The following CHTF18 variants were observed in gnomAD, a reference collection of about 807,000 sequenced individuals.
The protein encoded by CHTF18 is chromosome transmission fidelity protein 18 homolog.
CHTF18 carries 151 observed loss-of-function variants against 113.4 expected under a neutral mutation model. That is an observed-to-expected ratio of 1.33 (90% CI 1.17 to 1.52). CHTF18 has a LOEUF of 1.52. Ranked by LOEUF, CHTF18 falls within the 40% of genes most tolerant of loss-of-function variation. The probability of loss-of-function intolerance (pLI) is 0.00; values close to 1 mark genes in which losing one functional copy is unlikely to be tolerated. For synonymous variants in CHTF18, 916 were observed against 598.8 expected, an observed-to-expected ratio of 1.53 and a Z score of -7.74; for missense variants, 1,982 against 1,381.6, an observed-to-expected ratio of 1.43 and a Z score of -6.89.
Position 793,647 on chromosome 16 carries a change from C to T in CHTF18, c.1802+373C>T, listed in dbSNP as rs774243515. 3 of 530,974 alleles carry T rather than the reference C, an allele frequency of 5.6e-6. No homozygotes were observed. In the Admixed American group the frequency reaches 8.8e-5, roughly 15 times the overall value. 32.9% of individuals were successfully genotyped at this position (530,974 alleles called of 1,614,324 possible). A position where few individuals can be genotyped will look rare whatever the true frequency, so the allele number is the denominator to read the frequency against. ...CCTGCCTGCCCACACTGCTTGGCCT[C>T]CCGTGGGCAGGAGCAGCCAGCATGT... On this transcript the variant is annotated intron_variant, in intron 14 of 21. Coordinates refer to ENST00000262315, the MANE Select transcript of CHTF18 (RefSeq NM_022092.3).
Position 792,993 on chromosome 16 carries a change from G to A in CHTF18, c.1600G>A (p.Asp534Asn), listed in dbSNP as rs142863995. The change falls in exon 13 of 22, where the codon GAC becomes AAC. Residue 534 changes from aspartate (D) to asparagine (N), a missense_variant. By Grantham distance (23) the Asp-to-Asn change is conservative. Coordinates refer to ENST00000262315, the MANE Select transcript of CHTF18 (RefSeq NM_022092.3). ...CTCCCTGCGGCAGGGCATGAGGGCC[G>A]ACCCAGGGGTGCTGGCCGCCCTCTG... is the stretch of plus-strand genomic sequence containing the variant. ...EVSLRQGMRA[D>N]PGVLAALCEK... The A allele has an allele frequency of 3.9e-5, 61 of 1,562,852 alleles. No homozygotes were observed. The African/African-American group carries it at 7.3e-4, about 19-fold the overall frequency.
At chr16:793,813 C>A (rs532876744) in intron 14 of CHTF18, 713 of 651,410 alleles carry the variant, frequency 1.1e-3, no homozygotes, top group Non-Finnish European at 1.5e-3. Context: ...GTCCCCTAAC[C>A]CCAGAGGGTC....
At chr16:791,139 TC>T in intron 7 of CHTF18, 21 bp from the exon 8 acceptor site, 1 of 1,598,456 alleles carries the variant, frequency 6.3e-7, no homozygotes, top group Non-Finnish European at 8.5e-7. Flanking sequence ...AGGCTGTGCT[TC>T]CCTTCCCGTC....
chr16:795,438 TGCCCGCCC>T (rs2042312221), intron 16 of CHTF18, 82 bp downstream of exon 16: 1 of 573,666 alleles, frequency 1.7e-6, no homozygotes, highest in African/African-American at 4.0e-5. Flanking sequence ...CCCGGCCCCG[TGCCCGCCC>T]CCCCAAACAC....
In CHTF18 at chr16:795,364, C is replaced by T. The variant is rs1346860782; in HGVS notation, c.2175+8C>T. 45 of 1,543,852 alleles carry T rather than the reference C, an allele frequency of 2.9e-5. No homozygotes were observed. The highest frequency in any genetic ancestry group is 7.2e-5 in the South Asian group (6 of 83,830). On this transcript the variant is annotated splice_region_variant and intron_variant, in intron 16 of 21. Transcript: ENST00000262315. ...CCCAGCAGCCAGCAGGAGGTGTGCTCGTCCCTGCACCACGCCTGCCCCCGG... is the reference window on the plus strand; with the variant it reads ...CCCAGCAGCCAGCAGGAGGTGTGCTTGTCCCTGCACCACGCCTGCCCCCGG...
Position 794,099 on chromosome 16 carries a change from G to A in CHTF18, c.1848G>A (p.Leu616=). The change falls in exon 15 of 22, where the codon CTG becomes CTA. Residue 616 remains leucine, a synonymous_variant. Transcript: ENST00000262315. ...QDPALPADTL[L]LGDGDAGSLT... is the part of the protein sequence containing the mutation. The stretch of plus-strand genomic sequence containing the variant: ...CCGCCCTGCCTGCTGACACACTCCT[G>A]CTGGGTGACGGGGACGCGGGCTCCC... 6.2e-7 allele frequency: 1 copy of A among 1,612,268 alleles called. No homozygotes were observed. Among genetic ancestry groups the A allele is most frequent in the Non-Finnish European group, 8.5e-7 (1 of 1,179,730 alleles).
intron 16 of CHTF18, 50 bp from the exon 17 acceptor site, chr16:795,635 C>A (rs745446784): frequency 2.1e-5 from 28 of 1,316,478 alleles, no homozygotes; most frequent in Middle Eastern, 5.2e-4. Flanking sequence ...CCATTCCCCC[C>A]TCGCCCGGGA....
At chr16:794,750 C>T (rs965663629) in intron 15 of CHTF18, 272 of 268,432 alleles carry the variant, frequency 1.0e-3, no homozygotes, top group Non-Finnish European at 1.1e-3. Flanking sequence ...GGGGTGGGGA[C>T]GCCACGGCCT....
chr16:791,808 G>A (rs1041275002), intron 8 of CHTF18, 43 bp from the exon 9 acceptor site: 7 of 1,560,646 alleles, frequency 4.5e-6, no homozygotes, highest in South Asian at 1.2e-5. Context: ...GGAGCGTCCT[G>A]TAGGTGCGGT....
intron 18 of CHTF18, chr16:796,496 G>C (rs1176460149): frequency 3.3e-6 from 2 of 603,828 alleles, no homozygotes; most frequent in Non-Finnish European, 5.7e-6. Context: ...CCATCGGCAG[G>C]TTTCATCATC....
chr16:798,019 T>C lies in CHTF18; in HGVS notation c.*44T>C, dbSNP rs751261536. The C allele has an allele frequency of 3.2e-6, 5 of 1,581,418 alleles. No individual in the cohort carries two copies. The highest frequency in any genetic ancestry group is 4.3e-6 in the Non-Finnish European group (5 of 1,162,258). On this transcript the variant is annotated 3_prime_UTR_variant, in exon 22 of 22. Coordinates refer to ENST00000262315, the MANE Select transcript of CHTF18 (RefSeq NM_022092.3). Reference sequence around the variant, plus strand: ...TGCCCTCGCATTGCTTCCCGCAGAGTGCAGAGACAGGAAGCTGGAGATGTC... The same window carrying C: ...TGCCCTCGCATTGCTTCCCGCAGAGCGCAGAGACAGGAAGCTGGAGATGTC...
intron 20 of CHTF18, 62 bp downstream of exon 20, chr16:797,154 G>A (rs1240408063): frequency 6.9e-7 from 1 of 1,454,076 alleles, no homozygotes; most frequent in Non-Finnish European, 9.0e-7. Flanking sequence ...TGTGGCTAGG[G>A]CAGTCATGAG....
At chr16:790,946 G>A (rs1459095833) in intron 7 of CHTF18, 1 of 1,434,716 alleles carries the variant, frequency 7.0e-7, no homozygotes, top group Non-Finnish European at 9.1e-7. Context: ...TGCCCCTGGG[G>A]AGGGCAGGGG....
At position 788,706 on chromosome 16, in the gene CHTF18, C is replaced by G. The variant is rs749063840; in HGVS notation, c.22C>G (p.Leu8Val). ...CGGTATGGAGGACTACGAGCAGGAG[C>G]TGTGCGGCGTCGAGGATGATTTCCA... MEDYEQE[L>V]CGVEDDFHNQ... The change falls in exon 1 of 22, where the codon CTG becomes GTG. Residue 8 changes from leucine to valine, a missense_variant. Leu to Val is a conservative substitution (Grantham distance 32, BLOSUM62 1). Coordinates refer to ENST00000262315, the MANE Select transcript of CHTF18 (RefSeq NM_022092.3). 6.3e-6 allele frequency: 10 copies of G among 1,599,582 alleles called. No homozygotes were observed. Among genetic ancestry groups the G allele is most frequent in the South Asian group, 5.6e-5 (5 of 89,410 alleles).
At chr16:793,949 A>C (rs544623557) in intron 14 of CHTF18, 105 bp from the exon 15 acceptor site, 1 of 1,311,180 alleles carries the variant, frequency 7.6e-7, no homozygotes, top group Admixed American at 2.0e-5. Context: ...GAGAAGAATG[A>C]AGTGGGTGGC....
rs763665207 is a variant in CHTF18 at position 794,177 on chromosome 16, G to C, written c.1926G>C (p.Ala642=). ...GTGTCCTGCATGCCGCTGCCTCTGC[G>C]GGCGAGCACGAGAAGGTGGTCCAGG... ...FYRVLHAAAS[A]GEHEKVVQGL... is the part of the protein sequence containing the mutation. The change falls in exon 15 of 22, where the codon GCG becomes GCC. Residue 642 remains alanine (A), a synonymous_variant. Transcript: ENST00000262315. 1.2e-6 allele frequency: 2 copies of C among 1,612,084 alleles called. No homozygotes were observed. The highest frequency in any genetic ancestry group is 2.2e-5 in the South Asian group (2 of 91,062).
chr16:795,867 G>C, intron 17 of CHTF18, 33 bp downstream of exon 17: 1 of 1,606,390 alleles, frequency 6.2e-7, no homozygotes, highest in Non-Finnish European at 8.5e-7. Flanking sequence ...GGGATTCCCC[G>C]CCTGCTGCCC....
At position 790,573 on chromosome 16, in the gene CHTF18, G is replaced by A. The variant is rs764296640; in HGVS notation, c.801G>A (p.Glu267=). The change falls in exon 7 of 22, where the codon GAG becomes GAA. Residue 267 remains glutamate (E), a synonymous_variant. Transcript: ENST00000262315. ...EEAAQPLGAP[E]EEPTDGQDAS... ...CAGCCCAGCCCTTGGGGGCCCCTGAGGAGGAGCCGACTGACGGTCAAGACG... is the reference window on the plus strand; with the variant it reads ...CAGCCCAGCCCTTGGGGGCCCCTGAAGAGGAGCCGACTGACGGTCAAGACG... The A allele has an allele frequency of 9.5e-5, 152 of 1,596,778 alleles. No homozygotes were observed. In the Admixed American group the frequency reaches 2.5e-3, roughly 27 times the overall value.
chr16:790,695 C>A, intron 7 of CHTF18, 29 bp downstream of exon 7: 1 of 1,502,130 alleles, frequency 6.7e-7, no homozygotes, highest in South Asian at 1.3e-5. Flanking sequence ...TCAAGTGTGG[C>A]TGGCTTCCTC....
Sources: allele counts gnomAD v4.1 joint callset, GRCh38; gene constraint gnomAD v4.1.1; transcripts MANE v1.5; gene names NCBI Gene and HGNC (gene_info 2026-07-23, HGNC 2026-07-21).